BRINP2: variants seen among roughly 807,000 people sequenced by gnomAD.
BRINP2 encodes BMP/retinoic acid inducible neural specific 2.
In BRINP2, 21 loss-of-function variants were observed where a neutral mutation model predicts 69.2. The ratio of observed to expected loss-of-function variants is 0.30; its 90% CI spans 0.22 to 0.44. The LOEUF is 0.44. Among genes scored for constraint, BRINP2 ranks in the 20% least tolerant of loss-of-function variants. The pLI is 1.00. For missense variants in BRINP2, 877 were observed against 986.0 expected (o/e 0.89, Z 1.48); for synonymous variants, 380 against 394.1 (o/e 0.96, Z 0.42).
At chr1:177,193,737 G>T (rs1177353572) in intron 1 of BRINP2, among the ~76,000 whole-genome samples, 1 of 152,164 alleles carries the variant, frequency 6.6e-6, no homozygotes, top group African/African-American at 2.4e-5. Context: ...TGCAGGCTGA[G>T]GTCTTTACAG....
intron 2 of BRINP2, among the ~76,000 whole-genome samples, chr1:177,238,180 A>G (rs1222244506): frequency 6.6e-6 from 1 of 152,214 alleles, no homozygotes; most frequent in Non-Finnish European, 1.5e-5. Flanking sequence ...CCACGTATGC[A>G]AAGGATTAGA....
At chr1:177,208,118 C>G (rs1191781029) in intron 1 of BRINP2, among the ~76,000 whole-genome samples, 2 of 152,174 alleles carry the variant, frequency 1.3e-5, no homozygotes, top group Admixed American at 1.3e-4. Context: ...AAGAATCTAA[C>G]AGTAGAACAC....
chr1:177,189,476 A>G (rs993076679), intron 1 of BRINP2, among the ~76,000 whole-genome samples: 2 of 152,152 alleles, frequency 1.3e-5, no homozygotes, highest in African/African-American at 4.8e-5. Flanking sequence ...ACTCTCTTCC[A>G]GAAAAGGACC....
At chr1:177,226,121 A>T (rs1649682613) in intron 1 of BRINP2, among the ~76,000 whole-genome samples, 1 of 152,216 alleles carries the variant, frequency 6.6e-6, no homozygotes, top group Admixed American at 6.5e-5. Context: ...GGTTTTTCAC[A>T]TGTGTGCTCT....
intron 6 of BRINP2, 56 bp downstream of exon 6, chr1:177,276,490 A>G: frequency 6.6e-7 from 1 of 1,515,578 alleles, no homozygotes; most frequent in Non-Finnish European, 9.1e-7. Flanking sequence ...GTACAGAGCA[A>G]GAACATGGGG....
intron 5 of BRINP2, among the ~76,000 whole-genome samples, chr1:177,273,795 C>T (rs187630589): frequency 1.3e-5 from 2 of 152,304 alleles, no homozygotes; most frequent in East Asian, 1.9e-4. Flanking sequence ...TTGTCCTATA[C>T]CCCAGACCCA....
intron 1 of BRINP2, among the ~76,000 whole-genome samples, chr1:177,220,286 T>G (rs143444257): frequency 1.3e-5 from 2 of 152,166 alleles, no homozygotes; most frequent in South Asian, 4.1e-4. Context: ...AAATCTCATG[T>G]TGAAATCCCC....
At chr1:177,216,779 G>GT (rs35697447) in intron 1 of BRINP2, among the ~76,000 whole-genome samples, 28,572 of 126,504 alleles carry the variant, frequency 0.23, 3,401 homozygotes, top group Non-Finnish European at 0.29. Flanking sequence ...TTGGTTGGTA[G>GT]TTTTTTTTTT....
At chr1:177,216,024 CT>C (rs1649365554) in intron 1 of BRINP2, among the ~76,000 whole-genome samples, 1 of 151,970 alleles carries the variant, frequency 6.6e-6, no homozygotes, top group Non-Finnish European at 1.5e-5. Flanking sequence ...AAGTGAATCT[CT>C]TATGTACAGC....
intron 4 of BRINP2, among the ~76,000 whole-genome samples, chr1:177,272,663 T>G (rs969696667): frequency 6.6e-6 from 1 of 152,236 alleles, no homozygotes; most frequent in Non-Finnish European, 1.5e-5. Flanking sequence ...AGGTGCACTA[T>G]AAATGTTTGA....
At chr1:177,265,123 C>T (rs1257845581) in intron 4 of BRINP2, among the ~76,000 whole-genome samples, 3 of 152,122 alleles carry the variant, frequency 2.0e-5, no homozygotes, top group African/African-American at 7.2e-5. Flanking sequence ...ACCAATGGAA[C>T]AGAACAGAGG....
chr1:177,231,572 G>C (rs1183530772), intron 2 of BRINP2, among the ~76,000 whole-genome samples: 1 of 152,202 alleles, frequency 6.6e-6, no homozygotes, highest in Non-Finnish European at 1.5e-5. Context: ...AGATATTTGA[G>C]GGGCTGGTAC....
At chr1:177,257,598 A>G (rs2102347952) in intron 4 of BRINP2, among the ~76,000 whole-genome samples, 1 of 152,346 alleles carries the variant, frequency 6.6e-6, no homozygotes, top group African/African-American at 2.4e-5. Flanking sequence ...AGGCTACAGC[A>G]GAGGCACGTC....
At chr1:177,177,237 C>A (rs996842632) in intron 1 of BRINP2, among the ~76,000 whole-genome samples, 1 of 151,752 alleles carries the variant, frequency 6.6e-6, no homozygotes, top group Non-Finnish European at 1.5e-5. Context: ...GCCAAGATTG[C>A]GCCACTGCAC....
intron 1 of BRINP2, among the ~76,000 whole-genome samples, chr1:177,187,230 C>CT (rs1194745871): frequency 1.0e-5 from 1 of 99,906 alleles, no homozygotes; most frequent in Non-Finnish European, 1.7e-5. Context: ...CATATTGTGC[C>CT]CCCCTAACCC....
At position 177,257,343 on chromosome 1, in the gene BRINP2, C is replaced by A. The variant is rs138839091; in HGVS notation, c.628C>A (p.Arg210=). Residue 210 remains arginine (R), a synonymous_variant, in exon 4 of 8, where the codon CGA becomes AGA. Coordinates refer to ENST00000361539, the MANE Select transcript of BRINP2 (RefSeq NM_021165.4). ...CTTCATCGACAGAGAGAGCACGCTGCGACGGCTGCACCATATCCAGATAGC... is the reference window on the plus strand; with the variant it reads ...CTTCATCGACAGAGAGAGCACGCTGAGACGGCTGCACCATATCCAGATAGC... The part of the protein sequence containing the change: ...SYFIDRESTL[R]RLHHIQIATG... The A allele has an allele frequency of 1.0e-4, 167 of 1,613,648 alleles. 1 individual carries two copies. The African/African-American group carries it at 2.1e-3, about 20-fold the overall frequency.
intron 2 of BRINP2, among the ~76,000 whole-genome samples, chr1:177,248,458 TGCGTGTGTGTGTGC>T (rs1293727644): frequency 2.3e-4 from 34 of 151,030 alleles, no homozygotes; most frequent in African/African-American, 7.1e-4. Context: ...TGTGTGTGCG[TGCGTGTGTGTGTGC>T]GTGTGTGTGT....
intron 2 of BRINP2, among the ~76,000 whole-genome samples, chr1:177,238,649 T>C (rs1338771184): frequency 6.6e-6 from 1 of 152,176 alleles, no homozygotes; most frequent in African/African-American, 2.4e-5. Flanking sequence ...ATATGGATGA[T>C]AACAGCAGGC....
At chr1:177,258,933 A>G (rs148396146) in intron 4 of BRINP2, among the ~76,000 whole-genome samples, 129 of 152,238 alleles carry the variant, frequency 8.5e-4, no homozygotes, top group African/African-American at 3.0e-3. Flanking sequence ...AAATTAGGCC[A>G]ATTATTAACC....
Sources: allele counts gnomAD v4.1 joint callset (sites outside exome capture counted in the v4.1 genomes callset), GRCh38; gene constraint gnomAD v4.1.1; transcripts MANE v1.5; gene names NCBI Gene and HGNC (gene_info 2026-07-23, HGNC 2026-07-21).